Variants in USP22 observed in about 807,000 individuals in gnomAD.
USP22 encodes the protein ubiquitin carboxyl-terminal hydrolase 22.
USP22 carries 22 observed loss-of-function variants against 68.1 expected under a neutral mutation model. That is an observed-to-expected ratio of 0.32 (90% CI 0.23 to 0.46). The LOEUF (loss-of-function observed/expected upper bound fraction) is 0.46, where lower values mean the gene tolerates loss of function less well. Ranked by LOEUF, USP22 falls within the 20% of genes least tolerant of loss-of-function variation. USP22 has a pLI of 1.00. For missense variants in USP22, 433 were observed against 695.8 expected, an observed-to-expected ratio of 0.62 and a Z score of 4.25; for synonymous variants, 279 against 274.2, an observed-to-expected ratio of 1.02 and a Z score of -0.17.
intron 8 of USP22, among the ~76,000 whole-genome samples, chr17:21,010,163 C>CA (rs1386346494): frequency 2.0e-5 from 3 of 151,978 alleles, no homozygotes; most frequent in South Asian, 4.2e-4. Context: ...GACCCTATCT[C>CA]AAAAAACAAA....
At chr17:21,005,037 C>A in intron 10 of USP22, 47 bp from the exon 11 acceptor site, 1 of 1,604,828 alleles carries the variant, frequency 6.2e-7, no homozygotes, top group Non-Finnish European at 8.5e-7. Context: ...ATCATCAGGC[C>A]CAGAGACACA....
At chr17:21,024,731 G>A (rs554369462) in intron 2 of USP22, among the ~76,000 whole-genome samples, 98 of 152,314 alleles carry the variant, frequency 6.4e-4, no homozygotes, top group African/African-American at 2.2e-3. Context: ...ACTTTGGGAG[G>A]CAGAGATGGG....
intron 1 of USP22, among the ~76,000 whole-genome samples, chr17:21,040,640 G>A (rs1488826802): frequency 6.6e-6 from 1 of 152,134 alleles, no homozygotes; most frequent in Non-Finnish European, 1.5e-5. Flanking sequence ...AGGAAATTAG[G>A]CAAAGTTAGT....
intron 8 of USP22, among the ~76,000 whole-genome samples, chr17:21,008,735 A>G (rs1913856138): frequency 6.6e-6 from 1 of 152,110 alleles, no homozygotes; most frequent in Non-Finnish European, 1.5e-5. Flanking sequence ...AGGGTACCTA[A>G]AGGCTTCTTA....
At chr17:21,035,914 C>T (rs1394267045) in intron 1 of USP22, among the ~76,000 whole-genome samples, 3 of 151,218 alleles carry the variant, frequency 2.0e-5, no homozygotes, top group East Asian at 3.9e-4. Context: ...GCCTGTAGTC[C>T]CAGTTACTCG....
chr17:21,041,116 C>G (rs1436933814), intron 1 of USP22, among the ~76,000 whole-genome samples: 1 of 151,802 alleles, frequency 6.6e-6, no homozygotes, highest in Admixed American at 6.6e-5. Flanking sequence ...AACTCCTGAC[C>G]TCGTGATCTG....
At chr17:21,030,177 A>G (rs1032079786) in intron 1 of USP22, among the ~76,000 whole-genome samples, 18 of 152,200 alleles carry the variant, frequency 1.2e-4, no homozygotes, top group South Asian at 2.1e-4. Flanking sequence ...ACTTTCAATC[A>G]TCTCTAGATT....
At chr17:21,004,181 C>CAAG (rs1441230722) in intron 12 of USP22, 21 bp downstream of exon 12, 17 of 1,611,846 alleles carry the variant, frequency 1.1e-5, no homozygotes, top group Middle Eastern at 1.7e-4. Flanking sequence ...TAGGGCCTTC[C>CAAG]TCCCACCCCA....
chr17:21,027,263 G>C (rs1972232576), intron 2 of USP22, among the ~76,000 whole-genome samples: 1 of 113,176 alleles, frequency 8.8e-6, no homozygotes, highest in African/African-American at 3.2e-5. Flanking sequence ...ACTCCAGCCT[G>C]GACTCCAGAC....
At chr17:21,028,463 G>A in intron 2 of USP22, 79 bp downstream of exon 2, 1 of 1,574,816 alleles carries the variant, frequency 6.3e-7, no homozygotes, top group Non-Finnish European at 8.6e-7. Context: ...TTTTGGAAGA[G>A]TGGAACTGCA....
chr17:21,009,176 G>A (rs529881487), intron 8 of USP22, among the ~76,000 whole-genome samples: 2 of 151,500 alleles, frequency 1.3e-5, no homozygotes, highest in Non-Finnish European at 2.9e-5. Context: ...TAGGAGGGCT[G>A]CATCAGAAGC....
At chr17:21,043,245 G>A (rs71371043), upstream of USP22, 4 of 147,474 alleles carry the variant, frequency 2.7e-5, no homozygotes, top group African/African-American at 8.9e-5. Flanking sequence ...AGCGTGGTAG[G>A]GGGGGGAAGC....
At chr17:21,003,158 TGCTCTGC>T in intron 12 of USP22, 85 bp from the exon 13 acceptor site, 1 of 1,524,736 alleles carries the variant, frequency 6.6e-7, no homozygotes, top group Non-Finnish European at 9.1e-7. Context: ...AAAGCCTACG[TGCTCTGC>T]GCTCTGCACA....
At chr17:21,017,572 CA>C (rs1263697612) in intron 5 of USP22, among the ~76,000 whole-genome samples, 1 of 152,186 alleles carries the variant, frequency 6.6e-6, no homozygotes, top group African/African-American at 2.4e-5. Flanking sequence ...AGGAGACTCG[CA>C]TACCAGGAGG....
rs1471247053 is a variant in USP22, at chr17:21,001,335, G to A, written c.*1696C>T. On this transcript the variant is annotated 3_prime_UTR_variant, in exon 13 of 13. Transcript: ENST00000261497. ...CTGTGTTTTCCACACTGAGCAGTGA[G>A]TAGCAGCTGCCACTGTCACTACCCC... 6.6e-6 allele frequency: 1 copy of A among 152,216 alleles called. No homozygotes were observed. The highest frequency in any genetic ancestry group is 1.5e-5 in the Non-Finnish European group (1 of 68,046). 9.4% of individuals were successfully genotyped at this position (152,216 alleles called of 1,614,324 possible). A position where few individuals can be genotyped will look rare whatever the true frequency, so the allele number is the denominator to read the frequency against.
intron 2 of USP22, among the ~76,000 whole-genome samples, chr17:21,022,762 G>A (rs1326334837): frequency 6.8e-6 from 1 of 146,314 alleles, no homozygotes; most frequent in African/African-American, 2.5e-5. Context: ...TCTCACCACT[G>A]CACTCCAGCC....
At chr17:21,036,515 C>G (rs1972358862) in intron 1 of USP22, among the ~76,000 whole-genome samples, 1 of 56,998 alleles carries the variant, frequency 1.8e-5, no homozygotes, top group African/African-American at 7.2e-5. Flanking sequence ...GAGCACTGTA[C>G]TGTAAGGGGG....
At chr17:21,005,048 A>T in intron 10 of USP22, 58 bp from the exon 11 acceptor site, 1 of 1,592,886 alleles carries the variant, frequency 6.3e-7, no homozygotes, top group South Asian at 1.1e-5. Context: ...CAGAGACACA[A>T]GGCTCTCGTG....
At chr17:21,021,781 A>G (rs1972159436) in intron 2 of USP22, among the ~76,000 whole-genome samples, 1 of 152,120 alleles carries the variant, frequency 6.6e-6, no homozygotes, top group South Asian at 2.1e-4. Flanking sequence ...TTCTACCACA[A>G]TTTCTCAACT....
Sources: allele counts gnomAD v4.1 joint callset (sites outside exome capture counted in the v4.1 genomes callset), GRCh38; gene constraint gnomAD v4.1.1; transcripts MANE v1.5; gene names NCBI Gene and HGNC (gene_info 2026-07-23, HGNC 2026-07-21).